TYW3: variants seen among roughly 807,000 people sequenced by gnomAD.
TYW3 encodes the protein tRNA wybutosine-synthesizing protein 3 homolog.
In TYW3, 26 loss-of-function variants were observed where a neutral mutation model predicts 23.1. That is an observed-to-expected ratio of 1.13 (90% CI 0.83 to 1.56). TYW3 has a LOEUF of 1.56. TYW3 is among the 40% of genes most tolerant of loss of function. The pLI is 0.00. For missense variants in TYW3, 316 were observed against 311.9 expected (o/e 1.01, Z -0.10); for synonymous variants, 102 against 105.7 (o/e 0.97, Z 0.21).
chr1:74,760,062 C>A (rs756164038), intron 5 of TYW3, among the ~76,000 whole-genome samples: 10 of 152,154 alleles, frequency 6.6e-5, no homozygotes, highest in Non-Finnish European at 1.3e-4. Context: ...ATATTGTGTA[C>A]TGTATTCTTA....
rs1036947117 is a variant in TYW3, at chr1:74,766,413, A to G, written c.*2300A>G. 1 of 152,152 alleles carries G rather than the reference A, an allele frequency of 6.6e-6. No homozygotes were observed. Among genetic ancestry groups the G allele is most frequent in the African/African-American group, 2.4e-5 (1 of 41,420 alleles). 9.4% of individuals were successfully genotyped at this position (152,152 alleles called of 1,614,324 possible). A position where few individuals can be genotyped will look rare whatever the true frequency, so the allele number is the denominator to read the frequency against. On this transcript the variant is annotated 3_prime_UTR_variant, in exon 6 of 6. Coordinates refer to ENST00000370867, the MANE Select transcript of TYW3 (RefSeq NM_138467.3). ...AGATGTGGAGGAGGAAGACAGTGAT[A>G]CTGAGGATTCTGACCCTGTGTAGGC...
At chr1:74,749,865 A>C (rs1648716086) in intron 4 of TYW3, among the ~76,000 whole-genome samples, 1 of 152,128 alleles carries the variant, frequency 6.6e-6, no homozygotes, top group Admixed American at 6.5e-5. Context: ...CTGAGGCAGG[A>C]GAATCACTTG....
intron 4 of TYW3, 119 bp downstream of exon 4, chr1:74,748,941 T>G (rs1386376836): frequency 1.1e-6 from 1 of 911,420 alleles, no homozygotes; most frequent in Non-Finnish European, 1.7e-6. Context: ...ATTCTCTTAC[T>G]CATAAACCCT....
chr1:74,755,338 C>T (rs778105263), intron 5 of TYW3, among the ~76,000 whole-genome samples: 1 of 152,190 alleles, frequency 6.6e-6, no homozygotes, highest in African/African-American at 2.4e-5. Flanking sequence ...CACTAACTCT[C>T]GATTCCTCGT....
chr1:74,745,312 C>A (rs1648520072), intron 3 of TYW3, among the ~76,000 whole-genome samples: 1 of 152,202 alleles, frequency 6.6e-6, no homozygotes, highest in African/African-American at 2.4e-5. Context: ...GCTCGAGTGG[C>A]CAGCTTTTAT....
chr1:74,747,713 G>A (rs1570065490), intron 3 of TYW3, among the ~76,000 whole-genome samples: 1 of 150,622 alleles, frequency 6.6e-6, no homozygotes, highest in Non-Finnish European at 1.5e-5. Context: ...ATGTGTGTGT[G>A]TATATATATG....
rs969120656 is a variant in TYW3 at position 74,738,752 on chromosome 1, T to C, written c.318T>C (p.His106=). Residue 106 remains histidine (H), a synonymous_variant, in exon 3 of 6, where the codon CAT becomes CAC. Transcript: ENST00000370867. ...TGAAATTTGAACCATTTGTTCTTCA[T>C]GTGCAGTGTCGACAATTGCAGGATG... The part of the protein sequence containing the change: ...ATLKFEPFVL[H]VQCRQLQDAQ... 8.7e-6 allele frequency: 14 copies of C among 1,611,300 alleles called. No individual in the cohort carries two copies. The highest frequency in any genetic ancestry group is 1.1e-5 in the South Asian group (1 of 90,774).
rs1342925269 is a variant in TYW3 at position 74,747,529 on chromosome 1, T to G, written c.355-1222T>G. On this transcript the variant is annotated intron_variant, in intron 3 of 5. Coordinates refer to ENST00000370867, the MANE Select transcript of TYW3 (RefSeq NM_138467.3). ...GCGGGCGCCTGTAGTCCCAGCTACTTGGGAGGCTGAGGCAGGAGAATGGCG... is the reference window on the plus strand; with the variant it reads ...GCGGGCGCCTGTAGTCCCAGCTACTGGGGAGGCTGAGGCAGGAGAATGGCG... Among the ~76,000 whole-genome samples the G allele has an allele frequency of 2.7e-5, 4 of 148,022 alleles. No homozygotes were observed. The East Asian group carries it at 7.9e-4, about 29-fold the overall frequency.
intron 1 of TYW3, chr1:74,733,643 TTAAGTG>T: frequency 1.2e-5 from 10 of 830,590 alleles, no homozygotes; most frequent in Non-Finnish European, 1.4e-5. Context: ...TCCCGATTCT[TTAAGTG>T]TAGGGTAGGG....
chr1:74,753,138 A>C (rs192606098), intron 5 of TYW3, among the ~76,000 whole-genome samples: 1 of 152,330 alleles, frequency 6.6e-6, no homozygotes, highest in African/African-American at 2.4e-5. Flanking sequence ...AGCTAGATGC[A>C]CAGTTTTGAG....
intron 1 of TYW3, among the ~76,000 whole-genome samples, chr1:74,735,189 T>A (rs1648106276): frequency 6.6e-6 from 1 of 152,246 alleles, no homozygotes; most frequent in South Asian, 2.1e-4. Flanking sequence ...ATTACACATT[T>A]TTCTACATCA....
rs768436194 is a variant in TYW3, at chr1:74,733,325, C to T, written c.81C>T (p.Asp27=). The change falls in exon 1 of 6, where the codon GAC becomes GAT. Residue 27 remains aspartate, a synonymous_variant. Coordinates refer to ENST00000370867, the MANE Select transcript of TYW3 (RefSeq NM_138467.3). ...KADLSRKGSV[D]EDVVELVQFL... is the part of the protein sequence containing the mutation. ...ACCTCAGCCGGAAGGGCAGTGTTGA[C>T]GAGGATGTGGTAGAGCTTGTGCAGT... 2 of 1,614,156 alleles carry T rather than the reference C, an allele frequency of 1.2e-6. No individual in the cohort carries two copies. Among genetic ancestry groups the T allele is most frequent in the Middle Eastern group, 1.6e-4 (1 of 6,062 alleles).
At chr1:74,743,488 C>T (rs746353741) in intron 3 of TYW3, among the ~76,000 whole-genome samples, 35 of 152,062 alleles carry the variant, frequency 2.3e-4, no homozygotes, top group Admixed American at 5.2e-4. Flanking sequence ...TCGAGTGAGT[C>T]GGGTGACAGG....
intron 3 of TYW3, among the ~76,000 whole-genome samples, chr1:74,747,561 C>T (rs1304978925): frequency 2.0e-5 from 3 of 148,024 alleles, no homozygotes; most frequent in Admixed American, 1.4e-4. Flanking sequence ...GGCGTGAACC[C>T]GGGAGGCGGA....
At chr1:74,743,087 C>T (rs1374647838) in intron 3 of TYW3, among the ~76,000 whole-genome samples, 4 of 152,176 alleles carry the variant, frequency 2.6e-5, no homozygotes, top group South Asian at 2.1e-4. Context: ...AACGTTTGTT[C>T]TCTGGGGCAG....
chr1:74,746,082 C>A (rs568088119), intron 3 of TYW3, among the ~76,000 whole-genome samples: 38 of 152,324 alleles, frequency 2.5e-4, no homozygotes, highest in Non-Finnish European at 4.6e-4. Context: ...AGACACAATT[C>A]AGTCCGTAAA....
Position 74,733,318 on chromosome 1 carries a change from G to C in TYW3, c.74G>C (p.Ser25Thr). The C allele has an allele frequency of 6.2e-7, 1 of 1,614,254 alleles. No individual in the cohort carries two copies. Among genetic ancestry groups the C allele is most frequent in the Non-Finnish European group, 8.5e-7 (1 of 1,180,044 alleles). Residue 25 changes from serine to threonine, a missense_variant, in exon 1 of 6, where the codon AGT (serine) becomes ACT (threonine). Coordinates refer to ENST00000370867, the MANE Select transcript of TYW3 (RefSeq NM_138467.3). ...AAAGCGGACCTCAGCCGGAAGGGCA[G>C]TGTTGACGAGGATGTGGTAGAGCTT... ...LSKADLSRKG[S>T]VDEDVVELVQ...
intron 3 of TYW3, among the ~76,000 whole-genome samples, chr1:74,745,600 C>A (rs761986887): frequency 3.9e-5 from 6 of 152,248 alleles, no homozygotes; most frequent in Non-Finnish European, 7.4e-5. Flanking sequence ...AAAAGTTCTC[C>A]AAATCCCCAC....
chr1:74,756,006 C>T (rs550115765), intron 5 of TYW3, among the ~76,000 whole-genome samples: 4 of 152,222 alleles, frequency 2.6e-5, no homozygotes, highest in African/African-American at 9.6e-5. Context: ...AAACGGGAGT[C>T]GCCCTGCACA....
Sources: allele counts gnomAD v4.1 joint callset (sites outside exome capture counted in the v4.1 genomes callset), GRCh38; gene constraint gnomAD v4.1.1; transcripts MANE v1.5; gene names NCBI Gene and HGNC (gene_info 2026-07-23, HGNC 2026-07-21).